Variants in PPFIBP2 observed in about 807,000 individuals in gnomAD.
PPFIBP2 encodes liprin-beta-2.
Under a neutral mutation model 118.3 loss-of-function variants are expected in PPFIBP2, and 118 were observed. That is an observed-to-expected ratio of 1.00 (90% CI 0.86 to 1.16). PPFIBP2 has a LOEUF of 1.16. Among genes scored for constraint, PPFIBP2 ranks in the 50% most tolerant of loss-of-function variants. The probability of loss-of-function intolerance (pLI) is 0.00; values close to 1 mark genes in which losing one functional copy is unlikely to be tolerated. For synonymous variants in PPFIBP2, 414 were observed against 397.4 expected (o/e 1.04, Z -0.50); for missense variants, 1,195 against 1,073.1 (o/e 1.11, Z -1.59).
chr11:7,630,977 C>T lies in PPFIBP2; in HGVS notation c.1017C>T (p.Phe339=), dbSNP rs1472691925. 1.9e-6 allele frequency: 3 copies of T among 1,614,150 alleles called. No homozygotes were observed. Among genetic ancestry groups the T allele is most frequent in the Non-Finnish European group, 2.5e-6 (3 of 1,180,008 alleles). The change falls in exon 11 of 24, where the codon TTC becomes TTT. Residue 339 remains phenylalanine (F), a synonymous_variant. Coordinates refer to ENST00000299492, the MANE Select transcript of PPFIBP2 (RefSeq NM_003621.5). ...SINEEEPEGG[F]SKWNATNKDP... ...ATGAAGAAGAACCGGAGGGAGGTTT[C>T]AGCAAGTGGAACGCTACAAATAAGG...
rs757317332 is a variant in PPFIBP2, at chr11:7,631,029, G to C, written c.1068+1G>C. The C allele has an allele frequency of 6.2e-7, 1 of 1,610,008 alleles. No homozygotes were observed. Among genetic ancestry groups the C allele is most frequent in the East Asian group, 2.2e-5 (1 of 44,860 alleles). On this transcript the variant is annotated splice_donor_variant, in intron 11 of 23. Transcript: ENST00000299492. LOFTEE classifies it high-confidence loss of function. ...CCCTGAAGAATTATTTAAACAAGAG[G>C]TACTGTGTTTCCATCCATGACGTAG...
chr11:7,544,116 G>A (rs1852058886), intron 1 of PPFIBP2, among the ~76,000 whole-genome samples: 2 of 152,312 alleles, frequency 1.3e-5, no homozygotes, highest in Non-Finnish European at 1.5e-5. Flanking sequence ...CACACACATA[G>A]GCCTGTGAGT....
intron 3 of PPFIBP2, among the ~76,000 whole-genome samples, chr11:7,579,304 C>T (rs1178296963): frequency 6.6e-6 from 1 of 152,182 alleles, no homozygotes; most frequent in Admixed American, 6.5e-5. Flanking sequence ...TATTCATTTT[C>T]TCTGCCAAAT....
rs1418442577 is a variant in PPFIBP2, at chr11:7,649,283, G to A, written c.1998+48G>A. ...TTTCAGTTGTCCCTGTGAGCACTCAGCTCACGTGTACCCATGGTGGTTATT... is the reference window on the plus strand; with the variant it reads ...TTTCAGTTGTCCCTGTGAGCACTCAACTCACGTGTACCCATGGTGGTTATT... On this transcript the variant is annotated intron_variant, in intron 20 of 23. Transcript: ENST00000299492. 3.9e-5 allele frequency: 59 copies of A among 1,499,732 alleles called. No individual in the cohort carries two copies. The East Asian group carries it at 1.2e-3, about 29-fold the overall frequency. 92.9% of individuals were successfully genotyped at this position (1,499,732 alleles called of 1,614,324 possible). A position where few individuals can be genotyped will look rare whatever the true frequency, so the allele number is the denominator to read the frequency against.
intron 3 of PPFIBP2, among the ~76,000 whole-genome samples, chr11:7,589,980 A>T (rs1412588339): frequency 4.3e-5 from 3 of 70,230 alleles, no homozygotes; most frequent in African/African-American, 1.2e-4. Context: ...TGATAACCAC[A>T]AAGCTTATTA....
chr11:7,562,590 G>A (rs1184151274), intron 2 of PPFIBP2, among the ~76,000 whole-genome samples: 3 of 152,114 alleles, frequency 2.0e-5, no homozygotes, highest in Non-Finnish European at 4.4e-5. Flanking sequence ...GCTTCTTGGA[G>A]GCTGGTTATC....
At chr11:7,631,315 T>A (rs1205994158) in intron 11 of PPFIBP2, 4 of 320,010 alleles carry the variant, frequency 1.2e-5, no homozygotes, top group Non-Finnish European at 2.4e-5. Context: ...TTCTCTGGAA[T>A]GTAAGCATAG....
the PPFIBP2 span, among the ~76,000 whole-genome samples, chr11:7,664,039 CCACT>C: frequency 1.3e-5 from 2 of 152,208 alleles, no homozygotes; most frequent in Non-Finnish European, 2.9e-5. Flanking sequence ...TGACCTACAC[CCACT>C]GTCTGGCACT....
At chr11:7,572,074 A>C (rs1855712505) in intron 3 of PPFIBP2, 1 of 152,180 alleles carries the variant, frequency 6.6e-6, no homozygotes, top group Non-Finnish European at 1.5e-5. Context: ...AGAGGGCTCC[A>C]CTGTTTAGGG....
At chr11:7,539,160 C>T (rs1429460495) in intron 1 of PPFIBP2, 5 of 152,330 alleles carry the variant, frequency 3.3e-5, no homozygotes, top group African/African-American at 1.2e-4. Flanking sequence ...TTATTAGACT[C>T]CGATATTCAC....
intron 1 of PPFIBP2, among the ~76,000 whole-genome samples, chr11:7,543,579 A>G (rs1239566790): frequency 6.6e-6 from 1 of 152,222 alleles, no homozygotes; most frequent in Non-Finnish European, 1.5e-5. Flanking sequence ...ATCTGTTCCT[A>G]GTTCATTTCA....
intron 6 of PPFIBP2, among the ~76,000 whole-genome samples, chr11:7,614,765 T>G (rs1000334460): frequency 6.6e-6 from 1 of 152,158 alleles, no homozygotes; most frequent in Non-Finnish European, 1.5e-5. Flanking sequence ...GTGTACAAGA[T>G]TAACAGGTAA....
rs545364517 is a variant in PPFIBP2, at chr11:7,568,038, C to A, written c.279+2271C>A. Among the ~76,000 whole-genome samples the A allele has an allele frequency of 3.3e-5, 5 of 152,350 alleles. No individual in the cohort carries two copies. The East Asian group carries it at 9.6e-4, about 29-fold the overall frequency. On this transcript the variant is annotated intron_variant, in intron 3 of 23. Transcript: ENST00000299492. ...CAGCACTGCCCAGCGCCTTCTCATG[C>A]ATGATGTCTGTGCATCCCTTGCATA...
At chr11:7,523,076 G>A (rs759416212) in intron 1 of PPFIBP2, among the ~76,000 whole-genome samples, 5 of 152,134 alleles carry the variant, frequency 3.3e-5, no homozygotes, top group East Asian at 1.9e-4. Flanking sequence ...AGGGTCCGGT[G>A]TAGAGTCAGG....
chr11:7,600,832 A>T (rs1041205105), intron 5 of PPFIBP2, among the ~76,000 whole-genome samples: 5 of 152,220 alleles, frequency 3.3e-5, no homozygotes, highest in African/African-American at 1.2e-4. Flanking sequence ...AGAGACTCAA[A>T]ATCCAGATCT....
chr11:7,658,595 T>C (rs200321712), downstream of PPFIBP2, among the ~76,000 whole-genome samples: 258 of 50,550 alleles, frequency 5.1e-3, 1 homozygote, highest in East Asian at 0.016. Context: ...TGAATAATGC[T>C]GCAATAAACA....
chr11:7,601,519 G>A (rs74948679), intron 5 of PPFIBP2, among the ~76,000 whole-genome samples: 29,664 of 151,918 alleles, frequency 0.2, 3,324 homozygotes, highest in East Asian at 0.32. Flanking sequence ...CATAGCTGTC[G>A]ACATACACAT....
chr11:7,655,567 G>A (rs112055202), downstream of PPFIBP2: 1,167 of 1,193,972 alleles, frequency 9.8e-4, 12 homozygotes, highest in African/African-American at 0.016. Context: ...GGTGTGGTGT[G>A]GTGTGGTATG....
intron 6 of PPFIBP2, among the ~76,000 whole-genome samples, chr11:7,610,899 A>G (rs1025148411): frequency 1.3e-5 from 2 of 152,210 alleles, no homozygotes; most frequent in Non-Finnish European, 2.9e-5. Flanking sequence ...GGAGCATGCC[A>G]TGTGCAGGCC....
Sources: gnomAD v4.1 joint callset for allele counts (sites outside exome capture counted in the v4.1 genomes callset) on GRCh38, gnomAD v4.1.1 for gene constraint, MANE v1.5 for transcripts, NCBI Gene and HGNC (gene_info 2026-07-23, HGNC 2026-07-21) for gene names.